Variants in ADCY9 observed in about 807,000 individuals in gnomAD.
ADCY9 encodes adenylate cyclase 9, also known as adenylate cyclase type 9.
ADCY9 carries 50 observed loss-of-function variants against 101.5 expected under a neutral mutation model. The observed-to-expected ratio is 0.49, with a 90% CI of 0.39 to 0.62. The LOEUF is 0.62. Among genes scored for constraint, ADCY9 ranks in the 20% least tolerant of loss-of-function variants. The pLI is 0.00. For missense variants in ADCY9, 1,662 were observed against 1,800.4 expected, an observed-to-expected ratio of 0.92 and a Z score of 1.39; for synonymous variants, 905 against 769.3, an observed-to-expected ratio of 1.18 and a Z score of -2.92.
intron 5 of ADCY9, among the ~76,000 whole-genome samples, chr16:3,955,526 T>C (rs1790955317): frequency 6.6e-6 from 1 of 152,014 alleles, no homozygotes. Flanking sequence ...TCTACGGATG[T>C]CCTTCATTTA....
chr16:4,104,539 G>A (rs1053528507), intron 2 of ADCY9, among the ~76,000 whole-genome samples: 1 of 152,174 alleles, frequency 6.6e-6, no homozygotes, highest in East Asian at 1.9e-4. Flanking sequence ...TTGAGCCCAG[G>A]AGGTCAAGGC....
At chr16:4,068,137 C>T (rs2056811662) in intron 2 of ADCY9, among the ~76,000 whole-genome samples, 1 of 152,022 alleles carries the variant, frequency 6.6e-6, no homozygotes, top group Non-Finnish European at 1.5e-5. Flanking sequence ...TATTCTCATA[C>T]CCAGACAAGC....
chr16:4,047,332 G>A (rs190494145), intron 2 of ADCY9, among the ~76,000 whole-genome samples: 3 of 152,096 alleles, frequency 2.0e-5, no homozygotes, highest in East Asian at 3.9e-4. Context: ...GAAAGAGAGA[G>A]CTAGCTTAGC....
intron 6 of ADCY9, among the ~76,000 whole-genome samples, chr16:3,988,151 C>A (rs2056210230): frequency 6.6e-6 from 1 of 152,000 alleles, no homozygotes. Context: ...ATGGGGCACA[C>A]ACGGAGAAGG....
chr16:3,983,087 G>A (rs572284384), intron 7 of ADCY9, 145 bp downstream of exon 7: 14 of 774,424 alleles, frequency 1.8e-5, no homozygotes, highest in African/African-American at 1.0e-4. Flanking sequence ...CACAGGGCTC[G>A]GGGAGGACAC....
Position 3,966,373 on chromosome 16 carries a change from T to C in ADCY9, c.3464A>G (p.Asn1155Ser). The C allele has an allele frequency of 6.2e-7, 1 of 1,614,014 alleles. No individual in the cohort carries two copies. Among genetic ancestry groups the C allele is most frequent in the East Asian group, 2.2e-5 (1 of 44,858 alleles). Residue 1155 changes from asparagine to serine, a missense_variant, in exon 11 of 11, where the codon AAC becomes AGC. Around this residue, in one of 5 missense-constraint regions of ADCY9, gnomAD observed 220 missense variants for 312.9 expected, o/e 0.70. Coordinates refer to ENST00000294016, the MANE Select transcript of ADCY9 (RefSeq NM_001116.4). The stretch of plus-strand genomic sequence containing the variant: ...GAGCTTGAAGTTGAACCACAGCATG[T>C]TGTTGTTGAAGTCGTCCACCACGCG... ...MMRVVDDFNN[N>S]MLWFNFKLRV...
intron 2 of ADCY9, among the ~76,000 whole-genome samples, chr16:4,049,713 T>A (rs948474160): frequency 6.6e-6 from 1 of 152,136 alleles, no homozygotes; most frequent in Non-Finnish European, 1.5e-5. Flanking sequence ...ACCAGCTGAT[T>A]CTTCCAGACT....
intron 3 of ADCY9, among the ~76,000 whole-genome samples, chr16:4,001,984 G>C (rs2056334474): frequency 6.6e-6 from 1 of 152,094 alleles, no homozygotes. Flanking sequence ...CTTGACCTCA[G>C]GTGATCCATC....
chr16:4,056,075 C>T (rs551298055), intron 2 of ADCY9, among the ~76,000 whole-genome samples: 10 of 152,122 alleles, frequency 6.6e-5, no homozygotes, highest in Admixed American at 6.6e-4. Context: ...CGGTGTTGTG[C>T]GATACAGAAC....
chr16:4,041,371 G>C (rs997546561), intron 2 of ADCY9, among the ~76,000 whole-genome samples: 2 of 152,108 alleles, frequency 1.3e-5, no homozygotes, highest in Non-Finnish European at 2.9e-5. Context: ...GGGCGTAGTG[G>C]TTTACGCCTG....
chr16:3,967,567 T>A (rs560201457), intron 10 of ADCY9, among the ~76,000 whole-genome samples: 14 of 149,246 alleles, frequency 9.4e-5, no homozygotes, highest in Middle Eastern at 3.5e-3. Flanking sequence ...TTAAAAAATT[T>A]TTTTTTTGAA....
chr16:4,099,889 CA>C, intron 2 of ADCY9, among the ~76,000 whole-genome samples: 1 of 152,284 alleles, frequency 6.6e-6, no homozygotes, highest in African/African-American at 2.4e-5. Flanking sequence ...CTGTCTCTCT[CA>C]AAAATTTGAA....
intron 3 of ADCY9, among the ~76,000 whole-genome samples, chr16:4,005,017 G>T (rs1300894401): frequency 6.6e-6 from 1 of 151,896 alleles, no homozygotes; most frequent in Non-Finnish European, 1.5e-5. Flanking sequence ...CCCCCAAAAG[G>T]TGTGACCACA....
intron 7 of ADCY9, chr16:3,981,625 G>C (rs1437269480): frequency 6.6e-6 from 1 of 151,964 alleles, no homozygotes; most frequent in Non-Finnish European, 1.5e-5. Context: ...ATGGAGTTTT[G>C]CTCGTCACCC....
At chr16:4,093,443 T>G (rs1166949557) in intron 2 of ADCY9, among the ~76,000 whole-genome samples, 1 of 152,184 alleles carries the variant, frequency 6.6e-6, no homozygotes, top group African/African-American at 2.4e-5. Flanking sequence ...CAGTATTAAA[T>G]CTCATGGAAT....
intron 8 of ADCY9, among the ~76,000 whole-genome samples, 187 bp downstream of exon 8, chr16:3,978,929 A>ATGGTC (rs973097088): frequency 1.3e-5 from 2 of 152,046 alleles, no homozygotes; most frequent in African/African-American, 4.8e-5. Context: ...GTTGGCCAGG[A>ATGGTC]TGGTCTCGAT....
At chr16:4,097,546 TATA>T (rs1484932569) in intron 2 of ADCY9, among the ~76,000 whole-genome samples, 27 of 50,786 alleles carry the variant, frequency 5.3e-4, no homozygotes, top group African/African-American at 3.4e-3. Flanking sequence ...TATATATATA[TATA>T]TATATTTTTT....
intron 2 of ADCY9, among the ~76,000 whole-genome samples, chr16:4,058,157 TAAA>T (rs56278937): frequency 5.6e-5 from 7 of 125,736 alleles, no homozygotes; most frequent in Admixed American, 8.1e-5. Flanking sequence ...AGACTCTGTC[TAAA>T]AAAAAAAAAA....
At chr16:4,082,381 G>GA (rs1450772703) in intron 2 of ADCY9, among the ~76,000 whole-genome samples, 1 of 151,496 alleles carries the variant, frequency 6.6e-6, no homozygotes, top group Non-Finnish European at 1.5e-5. Flanking sequence ...TGTCTCAAAA[G>GA]AAAAAAAACA....
Sources: allele counts gnomAD v4.1 joint callset (sites outside exome capture counted in the v4.1 genomes callset), GRCh38; gene constraint gnomAD v4.1.1; regional missense constraint gnomAD v4.1.1; transcripts MANE v1.5; gene names NCBI Gene and HGNC (gene_info 2026-07-23, HGNC 2026-07-21).